NIPAL2: variants seen among roughly 807,000 people sequenced by gnomAD.
NIPAL2 encodes NIPA like domain containing 2.
A neutral mutation model predicts 48.9 loss-of-function variants in NIPAL2; 43 were observed. That is an observed-to-expected ratio of 0.88 (90% CI 0.69 to 1.13). The LOEUF is 1.13. NIPAL2 is among the 50% of genes most tolerant of loss of function. The pLI is 0.00. For synonymous variants in NIPAL2, 167 were observed against 174.6 expected, an observed-to-expected ratio of 0.96 and a Z score of 0.34; for missense variants, 446 against 461.4, an observed-to-expected ratio of 0.97 and a Z score of 0.31.
intron 1 of NIPAL2, among the ~76,000 whole-genome samples, 178 bp from the exon 2 acceptor site, chr8:98,254,265 G>A (rs941210078): frequency 6.6e-5 from 10 of 151,958 alleles, no homozygotes; most frequent in South Asian, 2.1e-4. Context: ...CACTTTTTTC[G>A]AACACTATTT....
At chr8:98,236,025 A>G (rs939231225) in intron 4 of NIPAL2, 130 bp downstream of exon 4, 1 of 615,300 alleles carries the variant, frequency 1.6e-6, no homozygotes, top group South Asian at 1.9e-5. Flanking sequence ...ATAATGCCTG[A>G]CTCTAAATGA....
In NIPAL2 at chr8:98,256,706, G is replaced by A. The variant is rs183644951; in HGVS notation, c.136-2619C>T. On this transcript the variant is annotated intron_variant, in intron 1 of 10. Transcript: ENST00000430223. Reference sequence around the variant, plus strand: ...ACACTTGTGCATTGCTGGTGGGAATGTAAAATGCTGCAGCCACTGTGGAAA... The same window carrying A: ...ACACTTGTGCATTGCTGGTGGGAATATAAAATGCTGCAGCCACTGTGGAAA... Among the ~76,000 whole-genome samples the A allele has an allele frequency of 4.3e-3, 662 of 152,192 alleles. 19 individuals are homozygous for A. Among genetic ancestry groups the A allele is most frequent in the Admixed American group, 0.038 (588 of 15,290 alleles).
intron 4 of NIPAL2, among the ~76,000 whole-genome samples, chr8:98,231,331 G>A (rs913018977): frequency 4.6e-5 from 7 of 152,140 alleles, no homozygotes; most frequent in Admixed American, 1.3e-4. Flanking sequence ...AACCAGAGAC[G>A]ATGGGTCATT....
chr8:98,242,719 C>T (rs1465121584), intron 3 of NIPAL2, among the ~76,000 whole-genome samples: 7 of 152,152 alleles, frequency 4.6e-5, no homozygotes, highest in East Asian at 1.9e-4. Flanking sequence ...CTCCTAACCT[C>T]GTGATCCTCC....
intron 1 of NIPAL2, among the ~76,000 whole-genome samples, chr8:98,283,701 C>A (rs1186829484): frequency 6.6e-6 from 1 of 152,202 alleles, no homozygotes; most frequent in Non-Finnish European, 1.5e-5. Flanking sequence ...AGCTGCAATG[C>A]TCTACCCCAC....
intron 8 of NIPAL2, among the ~76,000 whole-genome samples, chr8:98,201,810 A>T (rs1480652191): frequency 6.6e-6 from 1 of 152,234 alleles, no homozygotes; most frequent in Non-Finnish European, 1.5e-5. Flanking sequence ...TTTAAATATT[A>T]AGTTTCAATT....
rs909159792 is a variant in NIPAL2, at chr8:98,190,455, T to G, written c.*2523A>C. The G allele has an allele frequency of 2.0e-5, 3 of 152,866 alleles. No homozygotes were observed. In the East Asian group the frequency reaches 5.7e-4, roughly 29 times the overall value. 9.5% of individuals were successfully genotyped at this position (152,866 alleles called of 1,614,324 possible). ...CTCCTGCCTCAGCCTCCCAGGTAGC[T>G]GGGACTCCAGGCACCCACCGTCATG... On this transcript the variant is annotated 3_prime_UTR_variant, in exon 11 of 11. Coordinates refer to ENST00000430223, the MANE Select transcript of NIPAL2 (RefSeq NM_001321635.2).
Position 98,194,811 on chromosome 8 carries a change from G to T in NIPAL2, c.956C>A (p.Ser319Ter). 1.3e-6 allele frequency: 2 copies of T among 1,560,246 alleles called. No individual in the cohort carries two copies. The highest frequency in any genetic ancestry group is 1.2e-5 in the South Asian group (1 of 81,396). The change falls in exon 10 of 11, where the codon TCA becomes TAA. Residue 319 changes from serine to a stop codon, truncating the protein, a stop_gained. Transcript: ENST00000430223. LOFTEE classifies it high-confidence loss of function. ...VFIYLFGCFLSFLGVFLVTRN... is the reference protein window; with the variant it reads ...VFIYLFGCFL ...TGTGACCAAAAATACACCAAGGAAT[G>T]ACAGAAAACACCTGTAAGGATAATA...
chr8:98,260,117 A>C (rs997660546), intron 1 of NIPAL2, among the ~76,000 whole-genome samples: 15 of 152,198 alleles, frequency 9.9e-5, no homozygotes, highest in African/African-American at 3.6e-4. Flanking sequence ...GAGGGTTACC[A>C]TGGCATAGAG....
At chr8:98,266,343 T>C (rs921947741) in intron 1 of NIPAL2, among the ~76,000 whole-genome samples, 3 of 151,376 alleles carry the variant, frequency 2.0e-5, no homozygotes, top group Admixed American at 6.6e-5. Context: ...GGCTCACACC[T>C]GTAATCTTAG....
chr8:98,223,546 T>A (rs1812007195), intron 4 of NIPAL2, among the ~76,000 whole-genome samples: 1 of 152,226 alleles, frequency 6.6e-6, no homozygotes, highest in Non-Finnish European at 1.5e-5. Context: ...ATATAATTTA[T>A]AACCAACATA....
At position 98,196,003 on chromosome 8, in the gene NIPAL2, T is replaced by C. The variant is rs768388885; in HGVS notation, c.883A>G (p.Ile295Val). Reference protein sequence around the residue: ...FFTISAIIAGIIFYQEFLGAP... With the variant: ...FFTISAIIAGVIFYQEFLGAP... ...CCAAGGAATTCCTGATAAAATATGA[T>C]ACCTGTAACACAGGAAAAGAAGACA... Residue 295 changes from isoleucine to valine, a missense_variant and splice_region_variant, in exon 9 of 11, where the codon ATC becomes GTC. Ile to Val is a conservative substitution (Grantham distance 29, BLOSUM62 3). Coordinates refer to ENST00000430223, the MANE Select transcript of NIPAL2 (RefSeq NM_001321635.2). 1.3e-6 allele frequency: 2 copies of C among 1,572,690 alleles called. No individual in the cohort carries two copies. The highest frequency in any genetic ancestry group is 3.4e-5 in the Admixed American group (2 of 58,394).
chr8:98,283,525 G>A (rs1815974535), intron 1 of NIPAL2, among the ~76,000 whole-genome samples: 1 of 152,072 alleles, frequency 6.6e-6, no homozygotes, highest in Admixed American at 6.6e-5. Context: ...GTCAATATAG[G>A]GCCTTATAAT....
At chr8:98,217,473 G>A (rs552867037) in intron 5 of NIPAL2, among the ~76,000 whole-genome samples, 1 of 152,302 alleles carries the variant, frequency 6.6e-6, no homozygotes, top group Admixed American at 6.5e-5. Context: ...AGAGTTAGAT[G>A]AATGATATGT....
At chr8:98,265,681 G>T (rs1041254092) in intron 1 of NIPAL2, among the ~76,000 whole-genome samples, 8 of 138,988 alleles carry the variant, frequency 5.8e-5, no homozygotes, top group African/African-American at 2.2e-4. Flanking sequence ...TACACTGTTG[G>T]TGGGACTGTA....
At chr8:98,201,364 A>G (rs529802616) in intron 8 of NIPAL2, among the ~76,000 whole-genome samples, 1 of 152,186 alleles carries the variant, frequency 6.6e-6, no homozygotes, top group African/African-American at 2.4e-5. Context: ...GTCCTCCTAG[A>G]AAATCTTTAT....
At chr8:98,220,165 AC>A (rs1212798454) in intron 5 of NIPAL2, among the ~76,000 whole-genome samples, 4 of 152,196 alleles carry the variant, frequency 2.6e-5, no homozygotes, top group African/African-American at 9.6e-5. Context: ...TGGTCAGAAT[AC>A]ATATCAGAAA....
At chr8:98,276,146 T>G (rs1815444965) in intron 1 of NIPAL2, among the ~76,000 whole-genome samples, 2 of 152,166 alleles carry the variant, frequency 1.3e-5, no homozygotes, top group Non-Finnish European at 2.9e-5. Context: ...TAGTTTTTCA[T>G]GCTCTATTGG....
chr8:98,260,161 C>T (rs138139244), intron 1 of NIPAL2, among the ~76,000 whole-genome samples: 6 of 152,226 alleles, frequency 3.9e-5, no homozygotes, highest in East Asian at 1.9e-4. Context: ...GACCAAAAGG[C>T]GCTGTTCCAA....
Sources: gnomAD v4.1 joint callset for allele counts (sites outside exome capture counted in the v4.1 genomes callset) on GRCh38, gnomAD v4.1.1 for gene constraint, MANE v1.5 for transcripts, NCBI Gene and HGNC (gene_info 2026-07-23, HGNC 2026-07-21) for gene names.